RNF169: variants seen among roughly 807,000 people sequenced by gnomAD.
RNF169 encodes E3 ubiquitin-protein ligase RNF169.
RNF169 carries 24 observed loss-of-function variants against 53.9 expected under a neutral mutation model. The ratio of observed to expected loss-of-function variants is 0.45; its 90% CI spans 0.32 to 0.63. RNF169 has a LOEUF of 0.63. RNF169 is among the 20% of genes least tolerant of loss of function. The probability of loss-of-function intolerance (pLI) is 0.04; values close to 1 mark genes in which losing one functional copy is unlikely to be tolerated. For synonymous variants in RNF169, 396 were observed against 363.5 expected, an observed-to-expected ratio of 1.09 and a Z score of -1.02; for missense variants, 883 against 906.2, an observed-to-expected ratio of 0.97 and a Z score of 0.33.
At chr11:74,803,608 A>T (rs1443426397) in intron 2 of RNF169, among the ~76,000 whole-genome samples, 1 of 152,226 alleles carries the variant, frequency 6.6e-6, no homozygotes, top group Non-Finnish European at 1.5e-5. Flanking sequence ...TTTTCACTTC[A>T]TAGGCTCCTA....
chr11:74,813,388 A>T (rs1025396837), intron 3 of RNF169, among the ~76,000 whole-genome samples: 5 of 152,232 alleles, frequency 3.3e-5, no homozygotes, highest in African/African-American at 1.2e-4. Context: ...AATAGAAATA[A>T]AGTGAGCACA....
intron 1 of RNF169, among the ~76,000 whole-genome samples, chr11:74,787,869 A>G (rs1463619002): frequency 5.3e-5 from 8 of 152,320 alleles, no homozygotes; most frequent in African/African-American, 1.2e-4. Context: ...CATTCTTTCA[A>G]TAGTCTCTGG....
intron 1 of RNF169, among the ~76,000 whole-genome samples, chr11:74,768,074 T>A (rs2035201896): frequency 6.6e-6 from 1 of 152,212 alleles, no homozygotes. Flanking sequence ...GTGGATTTGC[T>A]TTCTCAAATA....
At chr11:74,801,864 C>T (rs1475480476) in intron 2 of RNF169, among the ~76,000 whole-genome samples, 1 of 152,158 alleles carries the variant, frequency 6.6e-6, no homozygotes, top group Non-Finnish European at 1.5e-5. Context: ...CTTAAAGATT[C>T]CCATTATTAG....
At chr11:74,785,504 A>T (rs1021899127) in intron 1 of RNF169, among the ~76,000 whole-genome samples, 1 of 151,574 alleles carries the variant, frequency 6.6e-6, no homozygotes, top group Non-Finnish European at 1.5e-5. Flanking sequence ...CTAAGATAGA[A>T]CGTAGGATTA....
intron 1 of RNF169, among the ~76,000 whole-genome samples, chr11:74,785,169 A>G (rs1378005129): frequency 3.0e-5 from 2 of 66,436 alleles, no homozygotes; most frequent in African/African-American, 2.9e-4. Flanking sequence ...ATATATATAT[A>G]TATGATATAT....
chr11:74,814,793 T>G (rs534682762), intron 3 of RNF169, among the ~76,000 whole-genome samples: 1 of 152,332 alleles, frequency 6.6e-6, no homozygotes, highest in South Asian at 2.1e-4. Flanking sequence ...GATATTTTGC[T>G]ATCTTAAACA....
chr11:74,806,040 C>A (rs540997554), intron 2 of RNF169, among the ~76,000 whole-genome samples: 4 of 152,012 alleles, frequency 2.6e-5, no homozygotes, highest in Admixed American at 2.6e-4. Context: ...TATATACACA[C>A]ACACGTACAT....
At chr11:74,792,791 T>G (rs1294757920) in intron 2 of RNF169, among the ~76,000 whole-genome samples, 2 of 152,132 alleles carry the variant, frequency 1.3e-5, no homozygotes, top group African/African-American at 4.8e-5. Context: ...TATGGGACAG[T>G]GGTTTTAAAA....
intron 3 of RNF169, among the ~76,000 whole-genome samples, chr11:74,814,184 T>C (rs1233178743): frequency 6.6e-6 from 1 of 151,534 alleles, no homozygotes; most frequent in Non-Finnish European, 1.5e-5. Context: ...TAGCTGGCCA[T>C]GGTGGCACGT....
intron 1 of RNF169, among the ~76,000 whole-genome samples, chr11:74,773,791 A>G (rs1359063352): frequency 2.0e-5 from 3 of 152,214 alleles, no homozygotes; most frequent in Admixed American, 2.0e-4. Flanking sequence ...AAGCATCTTA[A>G]ACTCTGTGCC....
chr11:74,785,738 T>C (rs1168885224), intron 1 of RNF169, among the ~76,000 whole-genome samples: 1 of 152,118 alleles, frequency 6.6e-6, no homozygotes, highest in Non-Finnish European at 1.5e-5. Context: ...TTTTGGTGAC[T>C]GTAAATTAGT....
chr11:74,813,618 A>G (rs1243412523), intron 3 of RNF169, among the ~76,000 whole-genome samples: 1 of 152,230 alleles, frequency 6.6e-6, no homozygotes, highest in Non-Finnish European at 1.5e-5. Context: ...ATATAGATAC[A>G]TTCATTTCTA....
chr11:74,783,714 TG>T (rs1342960396), intron 1 of RNF169, among the ~76,000 whole-genome samples: 1 of 152,140 alleles, frequency 6.6e-6, no homozygotes, highest in African/African-American at 2.4e-5. Flanking sequence ...TGCTTTGTGG[TG>T]GGGTAGTATT....
At chr11:74,819,616 G>A (rs1055580662) in intron 4 of RNF169, among the ~76,000 whole-genome samples, 6 of 152,214 alleles carry the variant, frequency 3.9e-5, no homozygotes, top group African/African-American at 1.4e-4. Flanking sequence ...GGCTTTGTCA[G>A]AACTGACTGT....
intron 4 of RNF169, among the ~76,000 whole-genome samples, chr11:74,823,085 A>C (rs2036038714): frequency 6.6e-6 from 1 of 152,210 alleles, no homozygotes; most frequent in African/African-American, 2.4e-5. Context: ...AAATGCTACA[A>C]TAACAACAAT....
chr11:74,810,135 A>T (rs1306658256), intron 2 of RNF169, 49 bp from the exon 3 acceptor site: 1 of 1,511,618 alleles, frequency 6.6e-7, no homozygotes, highest in Non-Finnish European at 9.0e-7. Context: ...TATGTTTTTA[A>T]GTTTAGAGTT....
chr11:74,765,167 C>G (rs1388234585), intron 1 of RNF169, among the ~76,000 whole-genome samples: 1 of 152,110 alleles, frequency 6.6e-6, no homozygotes, highest in Non-Finnish European at 1.5e-5. Context: ...TGTGTTCGTG[C>G]CACTGTACTC....
chr11:74,825,858 G>T (rs11236255), intron 4 of RNF169, among the ~76,000 whole-genome samples: 51,648 of 151,986 alleles, frequency 0.34, 10,660 homozygotes, highest in African/African-American at 0.58. Flanking sequence ...TATAAAGAAC[G>T]GCCCGAGACT....
Sources: gnomAD v4.1 joint callset for allele counts (sites outside exome capture counted in the v4.1 genomes callset) on GRCh38, gnomAD v4.1.1 for gene constraint, MANE v1.5 for transcripts, NCBI Gene and HGNC (gene_info 2026-07-23, HGNC 2026-07-21) for gene names.